The following SYNPR variants were observed in gnomAD, a reference collection of about 807,000 sequenced individuals.
SYNPR encodes the protein synaptoporin.
A neutral mutation model predicts 32.9 loss-of-function variants in SYNPR; 23 were observed. That is an observed-to-expected ratio of 0.70 (90% CI 0.50 to 0.99). The LOEUF is 0.99. Ranked by LOEUF, SYNPR falls within the 50% of genes least tolerant of loss-of-function variation. The probability of loss-of-function intolerance (pLI) is 0.00; values close to 1 mark genes in which losing one functional copy is unlikely to be tolerated. For synonymous variants in SYNPR, 146 were observed against 135.9 expected (o/e 1.07, Z -0.52); for missense variants, 318 against 349.3 (o/e 0.91, Z 0.71).
intron 3 of SYNPR, among the ~76,000 whole-genome samples, chr3:63,269,401 A>G (rs1418147282): frequency 6.6e-6 from 1 of 152,146 alleles, no homozygotes; most frequent in Non-Finnish European, 1.5e-5. Context: ...AGGCAGGAGA[A>G]TCACTTGAAC....
chr3:63,471,608 G>A (rs1390417875), intron 2 of SYNPR, among the ~76,000 whole-genome samples: 1 of 152,234 alleles, frequency 6.6e-6, no homozygotes, highest in East Asian at 1.9e-4. Context: ...TGTATAGGGA[G>A]TGGAGCATGA....
At chr3:63,361,417 A>G (rs1408171495) in intron 2 of SYNPR, among the ~76,000 whole-genome samples, 1 of 151,876 alleles carries the variant, frequency 6.6e-6, no homozygotes, top group Non-Finnish European at 1.5e-5. Flanking sequence ...ACATGGTGAA[A>G]CCCCATCTCT....
At chr3:63,388,379 CTTTTTTTTTT>C (rs144044254) in intron 2 of SYNPR, among the ~76,000 whole-genome samples, 3 of 83,642 alleles carry the variant, frequency 3.6e-5, no homozygotes, top group African/African-American at 5.0e-5. Context: ...GTTTGGAGCT[CTTTTTTTTTT>C]TTTTTTTTTT....
intron 2 of SYNPR, among the ~76,000 whole-genome samples, chr3:63,259,929 AACAG>A (rs2086422204): frequency 6.6e-6 from 1 of 151,970 alleles, no homozygotes; most frequent in Non-Finnish European, 1.5e-5. Context: ...ATACACCAAT[AACAG>A]ACAGAGAGCC....
At position 63,259,925 on chromosome 3, in the gene SYNPR, C is replaced by T. The variant is rs1575578790; in HGVS notation, n.154+7339C>T. Among the ~76,000 whole-genome samples, 7 of 152,146 alleles carry T rather than the reference C, an allele frequency of 4.6e-5. No homozygotes were observed. In the South Asian group the frequency reaches 1.5e-3, roughly 32 times the overall value. The stretch of plus-strand genomic sequence containing the variant: ...GAAAATCACAAGCATTCTTATACAC[C>T]AATAACAGACAGAGAGCCAAATCAT... On this transcript the variant is annotated intron_variant and non_coding_transcript_variant, in intron 2 of 4. Transcript: ENST00000478456.
At chr3:63,405,139 C>T (rs938299356) in intron 2 of SYNPR, among the ~76,000 whole-genome samples, 1 of 152,152 alleles carries the variant, frequency 6.6e-6, no homozygotes, top group African/African-American at 2.4e-5. Flanking sequence ...ACTCCTCTGT[C>T]CTTCCCCTTT....
intron 4 of SYNPR, 88 bp from the exon 5 acceptor site, chr3:63,609,037 G>C: frequency 7.1e-7 from 1 of 1,415,328 alleles, no homozygotes; most frequent in Non-Finnish European, 9.4e-7. Context: ...TTTCCAAAAG[G>C]CAAACCAAAT....
At chr3:63,448,234 C>T (rs1700315135) in intron 2 of SYNPR, among the ~76,000 whole-genome samples, 1 of 150,954 alleles carries the variant, frequency 6.6e-6, no homozygotes, top group Non-Finnish European at 1.5e-5. Context: ...GAATTGATAA[C>T]CTCAGGTGAT....
intron 2 of SYNPR, among the ~76,000 whole-genome samples, chr3:63,281,013 G>A (rs1013175417): frequency 1.2e-4 from 19 of 152,044 alleles, no homozygotes; most frequent in African/African-American, 4.6e-4. Context: ...TGAGGAGAGA[G>A]TACTAGTTGC....
At chr3:63,589,532 T>C (rs1439822631) in intron 4 of SYNPR, among the ~76,000 whole-genome samples, 2 of 151,484 alleles carry the variant, frequency 1.3e-5, no homozygotes, top group Admixed American at 6.6e-5. Context: ...ATATCCTTGA[T>C]GAACATTGAT....
intron 3 of SYNPR, among the ~76,000 whole-genome samples, chr3:63,513,619 G>A (rs1012979240): frequency 6.6e-6 from 1 of 151,968 alleles, no homozygotes; most frequent in African/African-American, 2.4e-5. Flanking sequence ...ATTATTTATT[G>A]TTCAACATAG....
At chr3:63,411,084 C>T (rs1307634671) in intron 2 of SYNPR, among the ~76,000 whole-genome samples, 1 of 152,144 alleles carries the variant, frequency 6.6e-6, no homozygotes, top group Non-Finnish European at 1.5e-5. Context: ...CAGTCAGCTT[C>T]TGCTTCTTTA....
chr3:63,231,588 T>G (rs549995131), intron 1 of SYNPR, among the ~76,000 whole-genome samples: 1 of 152,274 alleles, frequency 6.6e-6, no homozygotes, highest in South Asian at 2.1e-4. Flanking sequence ...TAATGATAAA[T>G]AAGTAATGTT....
intron 3 of SYNPR, among the ~76,000 whole-genome samples, chr3:63,545,153 C>T (rs770279864): frequency 6.6e-5 from 10 of 151,894 alleles, no homozygotes; most frequent in Non-Finnish European, 1.3e-4. Context: ...GTTACTATGT[C>T]GCCATTGGGT....
chr3:63,450,453 T>C (rs1018351546), intron 2 of SYNPR, among the ~76,000 whole-genome samples: 9 of 152,202 alleles, frequency 5.9e-5, no homozygotes, highest in African/African-American at 2.2e-4. Flanking sequence ...AAAAGGAAGA[T>C]AACAGAAGAG....
chr3:63,420,043 G>A (rs1451465648), intron 2 of SYNPR, among the ~76,000 whole-genome samples: 1 of 152,070 alleles, frequency 6.6e-6, no homozygotes, highest in African/African-American at 2.4e-5. Flanking sequence ...GGAAACATAT[G>A]TAAAATGTTA....
intron 2 of SYNPR, among the ~76,000 whole-genome samples, chr3:63,345,648 A>G (rs980732910): frequency 6.6e-6 from 1 of 152,144 alleles, no homozygotes; most frequent in African/African-American, 2.4e-5. Flanking sequence ...GGCTGACTCC[A>G]ACCCCAACCA....
intron 2 of SYNPR, among the ~76,000 whole-genome samples, chr3:63,255,504 A>G (rs547627681): frequency 3.3e-5 from 5 of 152,190 alleles, no homozygotes; most frequent in African/African-American, 1.2e-4. Context: ...GATTTATGAT[A>G]CTCCCTTTCA....
At chr3:63,371,830 A>T (rs1471442473) in intron 2 of SYNPR, among the ~76,000 whole-genome samples, 1 of 152,200 alleles carries the variant, frequency 6.6e-6, no homozygotes, top group African/African-American at 2.4e-5. Context: ...AATCACAGAG[A>T]CAACCCACAG....
Sources: allele counts gnomAD v4.1 joint callset (sites outside exome capture counted in the v4.1 genomes callset), GRCh38; gene constraint gnomAD v4.1.1; transcripts MANE v1.5; gene names NCBI Gene and HGNC (gene_info 2026-07-23, HGNC 2026-07-21).